APC2: variants seen among roughly 807,000 people sequenced by gnomAD.
The protein encoded by APC2 is adenomatous polyposis coli protein 2.
In APC2, 41 loss-of-function variants were observed where a neutral mutation model predicts 72.5. That is an observed-to-expected ratio of 0.57 (90% CI 0.44 to 0.73). The LOEUF (loss-of-function observed/expected upper bound fraction) is 0.73. Among genes scored for constraint, APC2 ranks in the 30% least tolerant of loss-of-function variants. APC2 has a pLI of 0.00. For synonymous variants in APC2, 1,898 were observed against 1,612.0 expected, an observed-to-expected ratio of 1.18 and a Z score of -4.25; for missense variants, 3,729 against 3,403.4, an observed-to-expected ratio of 1.10 and a Z score of -2.38.
At position 1,472,170 on chromosome 19, in the gene APC2, T is replaced by C. The variant is rs1045183293; in HGVS notation, c.*1957T>C. The C allele has an allele frequency of 1.1e-4, 16 of 152,250 alleles. No homozygotes were observed. The allele number at this position is 152,250 out of a possible 1,614,324, so 9.4% of individuals were successfully genotyped here. A position where few individuals can be genotyped will look rare whatever the true frequency, so the allele number is the denominator to read the frequency against. ...TCAGGACACAGCGGGGGTCTCACACTTGCTGTCCCCATCCATGGCCCGAGG... is the reference window on the plus strand; with the variant it reads ...TCAGGACACAGCGGGGGTCTCACACCTGCTGTCCCCATCCATGGCCCGAGG... On this transcript the variant is annotated 3_prime_UTR_variant, in exon 15 of 15. Coordinates refer to ENST00000590469, the MANE Select transcript of APC2 (RefSeq NM_005883.3).
At chr19:1,456,189 T>A (rs1400382171) in intron 7 of APC2, 36 bp downstream of exon 7, 2 of 1,561,166 alleles carry the variant, frequency 1.3e-6, no homozygotes, top group Admixed American at 3.8e-5. Flanking sequence ...CCAGGGGTGG[T>A]GTCGGCCCAG....
chr19:1,467,717 C>T lies in APC2; in HGVS notation c.4416C>T (p.Pro1472=), dbSNP rs2084045051. ...GGCTGGAGCTGCCCCTGGGCCGGCC[C>T]CCGAGCGCCCCCGCAGACAAGGACG... is the stretch of plus-strand genomic sequence containing the variant. The part of the protein sequence containing the change: ...RAGLELPLGR[P]PSAPADKDGS... The change falls in exon 15 of 15, where the codon CCC becomes CCT. Residue 1472 remains proline (P), a synonymous_variant. Transcript: ENST00000590469. 33 of 1,437,030 alleles carry T rather than the reference C, an allele frequency of 2.3e-5. No individual in the cohort carries two copies. Among genetic ancestry groups the T allele is most frequent in the Non-Finnish European group, 2.6e-5 (29 of 1,103,886 alleles). The allele number at this position is 1,437,030 out of a possible 1,614,324, so 89.0% of individuals were successfully genotyped here.
At chr19:1,456,437 G>T (rs1227272419) in intron 8 of APC2, 33 bp downstream of exon 8, 1 of 1,541,468 alleles carries the variant, frequency 6.5e-7, no homozygotes, top group Non-Finnish European at 8.7e-7. Context: ...GGCTGGCGCA[G>T]CTGTCTGGGC....
Position 1,460,774 on chromosome 19 carries a change from C to T in APC2, c.1444-6C>T. 6.2e-7 allele frequency: 1 copy of T among 1,612,600 alleles called. No individual in the cohort carries two copies. Among genetic ancestry groups the T allele is most frequent in the Non-Finnish European group, 8.5e-7 (1 of 1,179,604 alleles). On this transcript the variant is annotated splice_region_variant and splice_polypyrimidine_tract_variant and intron_variant, in intron 11 of 14. Coordinates refer to ENST00000590469, the MANE Select transcript of APC2 (RefSeq NM_005883.3). ...CCCGTGACCCCGGCTGCATAACCCC[C>T]AACAGGCCACCCTGTGTGCGCGCCG...
chr19:1,457,122 C>A lies in APC2; in HGVS notation c.1086C>A (p.Gly362=), dbSNP rs754485991. The change falls in exon 9 of 15, where the codon GGC becomes GGA. Residue 362 remains glycine, a synonymous_variant. Coordinates refer to ENST00000590469, the MANE Select transcript of APC2 (RefSeq NM_005883.3). ...TCGTCTTCTCGCAGCCGGACCAGGG[C>A]CTGGCGCGCAAGGAGATGCGCGTCC... The part of the protein sequence containing the change: ...HNIVFSQPDQ[G]LARKEMRVLH... 5.0e-6 allele frequency: 8 copies of A among 1,588,456 alleles called. No individual in the cohort carries two copies. Among genetic ancestry groups the A allele is most frequent in the East Asian group, 2.3e-5 (1 of 43,446 alleles).
In APC2 at chr19:1,469,372, C is replaced by T. The variant is rs166453; in HGVS notation, c.6071C>T (p.Ala2024Val). Residue 2024 changes from alanine to valine, a missense_variant, in exon 15 of 15, where the codon GCC becomes GTC. Physicochemically the swap from Ala to Val is moderately conservative, Grantham distance 64. Transcript: ENST00000590469. ...TCCGCGGCCTCTGCCCCCCAGGGCG[C>T]CTCGCCCCGCCGCGGCCGGCCCGCG... ...AESAASAPQG[A>V]SPRRGRPALP... 6.8e-3 allele frequency: 8,421 copies of T among 1,241,186 alleles called. 504 individuals carry two copies. The African/African-American group carries it at 0.12, about 18-fold the overall frequency. The allele number at this position is 1,241,186 out of a possible 1,614,324, so 76.9% of individuals were successfully genotyped here. A position where few individuals can be genotyped will look rare whatever the true frequency, so the allele number is the denominator to read the frequency against.
rs1409426782 is a variant in APC2 at position 1,465,849 on chromosome 19, G to A, written c.2548G>A (p.Ala850Thr). 8.9e-6 allele frequency: 14 copies of A among 1,571,798 alleles called. No homozygotes were observed. Among genetic ancestry groups the A allele is most frequent in the Non-Finnish European group, 1.2e-5 (14 of 1,160,742 alleles). The change falls in exon 15 of 15, where the codon GCA becomes ACA. Residue 850 changes from alanine (A) to threonine (T), a missense_variant. By Grantham distance (58) the Ala-to-Thr change is moderately conservative. Transcript: ENST00000590469. ...CAAGGCCAAGGCCAAGCTGGCGCTT[G>A]CAGTGGCGCGCATCGACCAGCTGGT... ...AAKAKAKLAL[A>T]VARIDQLVED...
At chr19:1,457,913 C>A in intron 9 of APC2, 52 bp from the exon 10 acceptor site, 1 of 1,352,808 alleles carries the variant, frequency 7.4e-7, no homozygotes, top group Non-Finnish European at 1.0e-6. Context: ...TCGGGAGTCA[C>A]CTGGGACATT....
chr19:1,455,297 C>T (rs1372264132), intron 5 of APC2, 40 bp downstream of exon 5: 113 of 1,579,684 alleles, frequency 7.2e-5, no homozygotes, highest in Non-Finnish European at 9.4e-5. Flanking sequence ...GCGCCCGCCC[C>T]ACTCAGGGTG....
intron 4 of APC2, among the ~76,000 whole-genome samples, chr19:1,454,563 C>CTTTTCTTTTTTT (rs1569140915): frequency 1.7e-5 from 2 of 116,170 alleles, no homozygotes; most frequent in Non-Finnish European, 3.4e-5. Context: ...ATCTTTTGTA[C>CTTTTCTTTTTTT]TTTTTTTTTT....
chr19:1,467,994 C>A lies in APC2; in HGVS notation c.4693C>A (p.Gln1565Lys). The change falls in exon 15 of 15, where the codon CAG (glutamine) becomes AAG (lysine). Residue 1565 changes from glutamine to lysine, a missense_variant. Physicochemically the swap from Gln to Lys is moderately conservative, Grantham distance 53 (BLOSUM62 1). Transcript: ENST00000590469. ...APAAPPPART[Q>K]PSLIADETPP... ...AGCTGCCCCGCCGCCCGCCCGGACCCAGCCCAGCCTCATTGCTGACGAGAC... is the reference window on the plus strand; with the variant it reads ...AGCTGCCCCGCCGCCCGCCCGGACCAAGCCCAGCCTCATTGCTGACGAGAC... The A allele has an allele frequency of 6.3e-7, 1 of 1,583,672 alleles. No homozygotes were observed. Among genetic ancestry groups the A allele is most frequent in the Non-Finnish European group, 8.5e-7 (1 of 1,174,016 alleles).
In APC2 at chr19:1,452,814, C is replaced by T; in HGVS notation, c.-18-170C>T. 1.3e-6 allele frequency: 1 copy of T among 796,760 alleles called. No homozygotes were observed. The highest frequency in any genetic ancestry group is 1.9e-6 in the Non-Finnish European group (1 of 522,514). The allele number at this position is 796,760 out of a possible 1,614,324, so 49.4% of individuals were successfully genotyped here. On this transcript the variant is annotated intron_variant, in intron 1 of 14. Transcript: ENST00000590469. This position sits in a 1 kb window ranked among gnomAD's most constrained non-coding sequence, Gnocchi z 5.1. ...CCCTCTGCGCCCCGGATTGCCTGGC[C>T]ACCACCACGTGGGCCTGTACTTGTC...
At chr19:1,454,986 ACCC>A (rs35774440) in intron 4 of APC2, among the ~76,000 whole-genome samples, 160 bp from the exon 5 acceptor site, 59 of 110,626 alleles carry the variant, frequency 5.3e-4, no homozygotes, top group African/African-American at 1.7e-3. Context: ...TTCAATACCC[ACCC>A]CCCCCCCCTT....
At chr19:1,461,669 G>A (rs2656880) in intron 13 of APC2, 6,357 of 409,484 alleles carry the variant, frequency 0.016, 357 homozygotes, top group African/African-American at 0.12. Context: ...TGGCTAACAC[G>A]GTGAAACCCC....
In APC2 at chr19:1,470,013, G is replaced by C. The variant is rs769921928; in HGVS notation, c.6712G>C (p.Ala2238Pro). The C allele has an allele frequency of 3.2e-6, 5 of 1,548,620 alleles. No individual in the cohort carries two copies. In the South Asian group the frequency reaches 5.9e-5, roughly 18 times the overall value. Residue 2238 changes from alanine to proline, a missense_variant, in exon 15 of 15, where the codon GCT (alanine) becomes CCT (proline). Ala to Pro is a conservative substitution (Grantham distance 27). Coordinates refer to ENST00000590469, the MANE Select transcript of APC2 (RefSeq NM_005883.3). ...CGTGGACGGTCCCAGCCTCGCCAAG[G>C]CTCCCATCTCCGCACCCTTCGTGCA... ...SDVDGPSLAKAPISAPFVHEG... is the reference protein window; with the variant it reads ...SDVDGPSLAKPPISAPFVHEG...
chr19:1,455,965 A>C (rs1215035452), intron 6 of APC2, 111 bp from the exon 7 acceptor site: 2 of 474,408 alleles, frequency 4.2e-6, no homozygotes, highest in African/African-American at 1.2e-4. Flanking sequence ...GGGCGGGGTT[A>C]TCAGGAAGAG....
upstream of APC2, among the ~76,000 whole-genome samples, chr19:1,448,060 G>A (rs1223275662): frequency 1.3e-5 from 2 of 152,102 alleles, no homozygotes; most frequent in South Asian, 2.1e-4. Context: ...ATGCCCAGGG[G>A]GACACAGGGA....
chr19:1,473,091 T>G lies in APC2; in HGVS notation c.*2878T>G, dbSNP rs1240250071. 6.6e-6 allele frequency: 1 copy of G among 152,324 alleles called. No homozygotes were observed. The highest frequency in any genetic ancestry group is 1.5e-5 in the Non-Finnish European group (1 of 68,098). The allele number at this position is 152,324 out of a possible 1,614,324, so 9.4% of individuals were successfully genotyped here. On this transcript the variant is annotated 3_prime_UTR_variant, in exon 15 of 15. Coordinates refer to ENST00000590469, the MANE Select transcript of APC2 (RefSeq NM_005883.3). ...CCCTAGCCGCCACCCCACGTTTCTG[T>G]ACCGGGTCTCTGCAGTGTTAAACGG...
rs1467442913 is a variant in APC2, at chr19:1,470,130, C to G, written c.6829C>G (p.Pro2277Ala). The G allele has an allele frequency of 6.2e-7, 1 of 1,606,908 alleles. No homozygotes were observed. The highest frequency in any genetic ancestry group is 2.2e-5 in the East Asian group (1 of 44,686). Residue 2277 changes from proline (P) to alanine (A), a missense_variant, in exon 15 of 15, where the codon CCC (proline) becomes GCC (alanine). Coordinates refer to ENST00000590469, the MANE Select transcript of APC2 (RefSeq NM_005883.3). The stretch of plus-strand genomic sequence containing the variant: ...CCGAGTACCCCCCTTCAACTATGTG[C>G]CCAGCCCCATGGTGGTCGCAGCCAC... ...SARVPPFNYV[P>A]SPMVVAATTD... is the part of the protein sequence containing the mutation.
Sources: gnomAD v4.1 joint callset for allele counts (sites outside exome capture counted in the v4.1 genomes callset) on GRCh38, gnomAD v4.1.1 for gene constraint, Gnocchi (gnomAD v3.1) non-coding constraint, MANE v1.5 for transcripts, NCBI Gene and HGNC (gene_info 2026-07-23, HGNC 2026-07-21) for gene names.